Variants in ACAP2 observed in about 807,000 individuals in gnomAD.
The protein encoded by ACAP2 is arf-GAP with coiled-coil, ANK repeat and PH domain-containing protein 2.
A neutral mutation model predicts 115.8 loss-of-function variants in ACAP2; 39 were observed. The ratio of observed to expected loss-of-function variants is 0.34; its 90% CI spans 0.26 to 0.44. The LOEUF is 0.44. Ranked by LOEUF, ACAP2 falls within the 20% of genes least tolerant of loss-of-function variation. The pLI is 1.00. For missense variants in ACAP2, 662 were observed against 927.6 expected (o/e 0.71, Z 3.72); for synonymous variants, 289 against 315.8 (o/e 0.92, Z 0.90).
chr3:195,400,762 T>C (rs1712216746), intron 1 of ACAP2, among the ~76,000 whole-genome samples: 1 of 152,102 alleles, frequency 6.6e-6, no homozygotes, highest in Admixed American at 6.5e-5. Flanking sequence ...GAGATTTCCA[T>C]GAAGAAAGAA....
At chr3:195,383,603 G>A (rs947376160) in intron 2 of ACAP2, among the ~76,000 whole-genome samples, 1 of 150,738 alleles carries the variant, frequency 6.6e-6, no homozygotes, top group African/African-American at 2.4e-5. Flanking sequence ...AAAGTGGGAA[G>A]TCTGAGAAGG....
intron 21 of ACAP2, among the ~76,000 whole-genome samples, chr3:195,288,125 G>A (rs75958520): frequency 0.022 from 3,328 of 151,458 alleles, 122 homozygotes; most frequent in East Asian, 0.11. Context: ...AAACCATTTT[G>A]AAGAAGTCAC....
At chr3:195,324,273 C>G (rs1729633399) in intron 9 of ACAP2, among the ~76,000 whole-genome samples, 1 of 151,984 alleles carries the variant, frequency 6.6e-6, no homozygotes, top group South Asian at 2.1e-4. Context: ...GACAAAAAGA[C>G]AGTGAAACAG....
At chr3:195,376,780 C>T (rs1318459966) in intron 4 of ACAP2, among the ~76,000 whole-genome samples, 1 of 152,150 alleles carries the variant, frequency 6.6e-6, no homozygotes, top group Non-Finnish European at 1.5e-5. Flanking sequence ...TTTAAGCCCA[C>T]AAAGTTGGTA....
chr3:195,338,998 A>T (rs1730695903), intron 6 of ACAP2, among the ~76,000 whole-genome samples: 1 of 152,126 alleles, frequency 6.6e-6, no homozygotes, highest in Admixed American at 6.6e-5. Context: ...TGGGAGGCTG[A>T]GGTGGGCAGA....
Position 195,278,610 on chromosome 3 carries a change from T to C in ACAP2, c.*718A>G, listed in dbSNP as rs1347955196. The C allele has an allele frequency of 1.4e-5, 2 of 144,050 alleles. No homozygotes were observed. The highest frequency in any genetic ancestry group is 3.0e-5 in the Non-Finnish European group (2 of 66,464). 8.9% of individuals were successfully genotyped at this position (144,050 alleles called of 1,614,324 possible). On this transcript the variant is annotated 3_prime_UTR_variant, in exon 23 of 23. Transcript: ENST00000326793. ...GAACTACACATTTTGAACTGGGGTT[T>C]TTTTTTGTGATTAAAAAAAAAAAAG...
chr3:195,439,562 C>T (rs953165943), intron 1 of ACAP2, among the ~76,000 whole-genome samples: 6 of 152,182 alleles, frequency 3.9e-5, no homozygotes, highest in East Asian at 1.9e-4. Context: ...ATTTATTCTA[C>T]TTTTTATTTC....
intron 20 of ACAP2, among the ~76,000 whole-genome samples, chr3:195,289,685 A>G (rs1446226577): frequency 6.6e-6 from 1 of 151,530 alleles, no homozygotes; most frequent in Non-Finnish European, 1.5e-5. Context: ...GGACGCCTGT[A>G]GTCCCAGCTA....
intron 16 of ACAP2, among the ~76,000 whole-genome samples, chr3:195,296,378 G>T (rs890725447): frequency 6.6e-6 from 1 of 152,054 alleles, no homozygotes; most frequent in African/African-American, 2.4e-5. Flanking sequence ...AAATAAACTT[G>T]TAACTTATGA....
chr3:195,381,076 A>G lies in ACAP2; in HGVS notation c.232-14T>C. On this transcript the variant is annotated splice_polypyrimidine_tract_variant and intron_variant, in intron 3 of 22. Coordinates refer to ENST00000326793, the MANE Select transcript of ACAP2 (RefSeq NM_012287.6). ...GGTCAAACTTGTCTATGAGAAAAAA[A>G]GCAAAAGAAAACCAAATCATTTATG... 1 of 1,587,666 alleles carries G rather than the reference A, an allele frequency of 6.3e-7. No individual in the cohort carries two copies. The highest frequency in any genetic ancestry group is 2.2e-5 in the East Asian group (1 of 44,574).
At chr3:195,350,655 A>G (rs1398827497) in intron 4 of ACAP2, among the ~76,000 whole-genome samples, 1 of 151,780 alleles carries the variant, frequency 6.6e-6, no homozygotes, top group Non-Finnish European at 1.5e-5. Context: ...TCAGGAAAAA[A>G]AAAAAAAGAA....
At chr3:195,312,349 T>C (rs1728825902) in intron 10 of ACAP2, among the ~76,000 whole-genome samples, 1 of 152,190 alleles carries the variant, frequency 6.6e-6, no homozygotes, top group Admixed American at 6.5e-5. Context: ...GAACTGACAA[T>C]GTATTCTTTC....
At chr3:195,330,711 A>ACC (rs1730110034) in intron 8 of ACAP2, among the ~76,000 whole-genome samples, 1 of 151,898 alleles carries the variant, frequency 6.6e-6, no homozygotes, top group African/African-American at 2.4e-5. Flanking sequence ...TAACAATGGA[A>ACC]CCCCTAAATT....
Position 195,278,080 on chromosome 3 carries a change from C to CG in ACAP2, c.*1247dup, listed in dbSNP as rs200598935. The CG allele has an allele frequency of 0.14, 18,563 of 131,046 alleles. 1,724 individuals are homozygous for CG. Among genetic ancestry groups the CG allele is most frequent in the Middle Eastern group, 0.24 (58 of 238 alleles). 8.1% of individuals were successfully genotyped at this position (131,046 alleles called of 1,614,324 possible). A position where few individuals can be genotyped will look rare whatever the true frequency, so the allele number is the denominator to read the frequency against. The stretch of plus-strand genomic sequence containing the variant: ...TGGGTGACACAGCAAGACGCCATCT[C>CG]GGGAAAAAAAAAAAAAAAAAGCAAA... On this transcript the variant is annotated 3_prime_UTR_variant, in exon 23 of 23. Coordinates refer to ENST00000326793, the MANE Select transcript of ACAP2 (RefSeq NM_012287.6).
intron 10 of ACAP2, among the ~76,000 whole-genome samples, chr3:195,309,907 A>G (rs1728652447): frequency 6.6e-6 from 1 of 152,216 alleles, no homozygotes; most frequent in Admixed American, 6.5e-5. Flanking sequence ...TTAAAACAAT[A>G]AAAGACCTAA....
intron 4 of ACAP2, among the ~76,000 whole-genome samples, chr3:195,358,074 T>C (rs1372629960): frequency 1.3e-5 from 2 of 152,108 alleles, no homozygotes; most frequent in Non-Finnish European, 2.9e-5. Context: ...CAATTCAAGA[T>C]GAGATTTGGG....
intron 1 of ACAP2, among the ~76,000 whole-genome samples, chr3:195,433,572 G>T (rs1234513876): frequency 2.0e-5 from 3 of 152,198 alleles, no homozygotes; most frequent in Non-Finnish European, 2.9e-5. Flanking sequence ...GATGTTAGCT[G>T]AGGGTGTTTT....
intron 1 of ACAP2, among the ~76,000 whole-genome samples, chr3:195,398,966 T>C (rs1208616054): frequency 2.6e-5 from 4 of 152,320 alleles, no homozygotes; most frequent in African/African-American, 9.6e-5. Context: ...CTGAAACAGC[T>C]TGACTATCAC....
rs79773002 is a variant in ACAP2 at position 195,410,335 on chromosome 3, A to G, written c.54-18188T>C. Among the ~76,000 whole-genome samples, 764 of 152,372 alleles carry G rather than the reference A, an allele frequency of 5.0e-3. 5 individuals carry two copies. Among genetic ancestry groups the G allele is most frequent in the African/African-American group, 0.018 (741 of 41,586 alleles). On this transcript the variant is annotated intron_variant, in intron 1 of 22. Coordinates refer to ENST00000326793, the MANE Select transcript of ACAP2 (RefSeq NM_012287.6). ...AAACTCTTAGAAGAAAACGTAGATTAAAAGCTTTATGACACTGAATTTGGT... is the reference window on the plus strand; with the variant it reads ...AAACTCTTAGAAGAAAACGTAGATTGAAAGCTTTATGACACTGAATTTGGT...
Sources: gnomAD v4.1 joint callset for allele counts (sites outside exome capture counted in the v4.1 genomes callset) on GRCh38, gnomAD v4.1.1 for gene constraint, MANE v1.5 for transcripts, NCBI Gene and HGNC (gene_info 2026-07-23, HGNC 2026-07-21) for gene names.